Variants in SYT5 observed in about 807,000 individuals in gnomAD.
The protein encoded by SYT5 is synaptotagmin-5.
SYT5 carries 29 observed loss-of-function variants against 36.0 expected under a neutral mutation model. The observed-to-expected ratio is 0.81, with a 90% CI of 0.60 to 1.10. The LOEUF is 1.10. Ranked by LOEUF, SYT5 falls within the 50% of genes least tolerant of loss-of-function variation. The pLI, the probability that SYT5 is intolerant of heterozygous loss-of-function variation, is 0.00. For synonymous variants in SYT5, 231 were observed against 227.6 expected, an observed-to-expected ratio of 1.02 and a Z score of -0.14; for missense variants, 512 against 516.0, an observed-to-expected ratio of 0.99 and a Z score of 0.08.
At position 55,173,362 on chromosome 19, in the gene SYT5, AG is replaced by A; in HGVS notation, c.*121del. 1.0e-5 allele frequency: 7 copies of A among 681,442 alleles called. No homozygotes were observed. Among genetic ancestry groups the A allele is most frequent in the Non-Finnish European group, 1.4e-5 (7 of 495,284 alleles). 42.2% of individuals were successfully genotyped at this position (681,442 alleles called of 1,614,324 possible). A position where few individuals can be genotyped will look rare whatever the true frequency, so the allele number is the denominator to read the frequency against. On this transcript the variant is annotated 3_prime_UTR_variant, in exon 9 of 9. Transcript: ENST00000354308. The surrounding 1 kb of genome is among the most constrained non-coding windows in gnomAD (Gnocchi z 5.4). The stretch of plus-strand genomic sequence containing the variant: ...GAATGGTTCAGATGGTTGGGGTGGA[AG>A]GTGGGGGGAGGGTAACCGTCAGAGG...
rs1366394058 is a variant in SYT5, at chr19:55,172,717, T to C, written c.*767A>G. ...ACTCAACAGAAGACCTCAGGGAATATGGAATGGAAGGAAGAAAAAAAAGAG... is the reference window on the plus strand; with the variant it reads ...ACTCAACAGAAGACCTCAGGGAATACGGAATGGAAGGAAGAAAAAAAAGAG... On this transcript the variant is annotated 3_prime_UTR_variant, in exon 9 of 9. Transcript: ENST00000354308. 3 of 150,608 alleles carry C rather than the reference T, an allele frequency of 2.0e-5. No individual in the cohort carries two copies. In the East Asian group the frequency reaches 5.9e-4, roughly 29 times the overall value. 9.3% of individuals were successfully genotyped at this position (150,608 alleles called of 1,614,324 possible).
Position 55,174,546 on chromosome 19 carries a change from T to C in SYT5, c.931A>G (p.Ser311Gly), listed in dbSNP as rs139660647. The C allele has an allele frequency of 5.0e-6, 8 of 1,614,106 alleles. No homozygotes were observed. The change falls in exon 8 of 9, where the codon AGC becomes GGC. Residue 311 changes from serine to glycine, a missense_variant. Transcript: ENST00000354308. The part of the protein sequence containing the change: ...TLNPYYNEAF[S>G]FEVPCDQVQK... ...ACTTGGTCACAGGGCACCTCGAAGC[T>C]GAAAGCTTCGTTGTAATAGGGGTTC...
intron 7 of SYT5, 101 bp downstream of exon 7, chr19:55,174,781 C>A: frequency 6.4e-7 from 1 of 1,568,070 alleles, no homozygotes; most frequent in Non-Finnish European, 8.7e-7. Flanking sequence ...GCAGCCAGGT[C>A]CTCCCTGTCC....
At chr19:55,177,240 GTT>G (rs2086086685) in intron 3 of SYT5, 1 of 152,184 alleles carries the variant, frequency 6.6e-6, no homozygotes, top group Non-Finnish European at 1.5e-5. Flanking sequence ...ATACTGCTGA[GTT>G]CTCCAGACAC....
chr19:55,173,822 AG>A lies in SYT5; in HGVS notation c.961-139del. On this transcript the variant is annotated intron_variant, in intron 8 of 8. Coordinates refer to ENST00000354308, the MANE Select transcript of SYT5 (RefSeq NM_003180.3). This position sits in a 1 kb window ranked among gnomAD's most constrained non-coding sequence, Gnocchi z 5.4. ...GGGGCCCCGGAGCTCGGGACGGGGG[AG>A]GGGGTGGGAGACGAGAGGGACGGAG... 1 of 822,042 alleles carries A rather than the reference AG, an allele frequency of 1.2e-6. No homozygotes were observed. Among genetic ancestry groups the A allele is most frequent in the East Asian group, 3.4e-5 (1 of 29,416 alleles). 50.9% of individuals were successfully genotyped at this position (822,042 alleles called of 1,614,324 possible).
At position 55,179,238 on chromosome 19, in the gene SYT5, TGA is replaced by T. The variant is rs914000846; in HGVS notation, c.-45-154_-45-153del. 2 of 1,489,158 alleles carry T rather than the reference TGA, an allele frequency of 1.3e-6. No homozygotes were observed. The highest frequency in any genetic ancestry group is 2.8e-5 in the African/African-American group (2 of 71,240). 92.2% of individuals were successfully genotyped at this position (1,489,158 alleles called of 1,614,324 possible). A position where few individuals can be genotyped will look rare whatever the true frequency, so the allele number is the denominator to read the frequency against. On this transcript the variant is annotated intron_variant, in intron 1 of 8. Coordinates refer to ENST00000354308, the MANE Select transcript of SYT5 (RefSeq NM_003180.3). The surrounding 1 kb of genome is among the most constrained non-coding windows in gnomAD (Gnocchi z 4.5). The stretch of plus-strand genomic sequence containing the variant: ...GTTGTAGTATCAGCCTCCCCGCACT[TGA>T]GAGGGGGTGTCCAGGACCTAGTTCC...
At chr19:55,176,245 C>T (rs45578833) in intron 3 of SYT5, 121 bp from the exon 4 acceptor site, 53,195 of 1,371,262 alleles carry the variant, frequency 0.039, 1,530 homozygotes, top group East Asian at 0.11. Context: ...ACAGGCTAAG[C>T]AGATTCAGTA....
rs777132095 is a variant in SYT5, at chr19:55,178,439, G to C, written c.80-71C>G. The C allele has an allele frequency of 1.4e-5, 21 of 1,478,212 alleles. No homozygotes were observed. The African/African-American group carries it at 2.5e-4, about 18-fold the overall frequency. The allele number at this position is 1,478,212 out of a possible 1,614,324, so 91.6% of individuals were successfully genotyped here. ...CAGGCTGATTCAGTCCTGATTACAC[G>C]TGGAAGCTGGAATGCTGGCCTCCTT... On this transcript the variant is annotated intron_variant, in intron 2 of 8. Coordinates refer to ENST00000354308, the MANE Select transcript of SYT5 (RefSeq NM_003180.3).
At chr19:55,178,087 A>T in intron 3 of SYT5, 109 bp downstream of exon 3, 1 of 1,259,368 alleles carries the variant, frequency 7.9e-7, no homozygotes, top group Non-Finnish European at 1.1e-6. Flanking sequence ...ATGAGCCAGT[A>T]AGGTGGGTTC....
Position 55,173,686 on chromosome 19 carries a change from TG to T in SYT5, c.961-3del. 2.2e-6 allele frequency: 3 copies of T among 1,385,600 alleles called. No homozygotes were observed. The highest frequency in any genetic ancestry group is 2.8e-6 in the Non-Finnish European group (3 of 1,063,696). The allele number at this position is 1,385,600 out of a possible 1,614,324, so 85.8% of individuals were successfully genotyped here. ...CACGGTCAGCTCCACCTGCACCTTC[TG>T]GGGTGGGCGCGGGAGGAAGAGGAGA... On this transcript the variant is annotated splice_region_variant and splice_polypyrimidine_tract_variant and intron_variant, in intron 8 of 8. Coordinates refer to ENST00000354308, the MANE Select transcript of SYT5 (RefSeq NM_003180.3). The surrounding 1 kb of genome is among the most constrained non-coding windows in gnomAD (Gnocchi z 5.4).
chr19:55,179,069 CAG>C lies in SYT5; in HGVS notation c.-30_-29del. 1 of 1,591,816 alleles carries C rather than the reference CAG, an allele frequency of 6.3e-7. No individual in the cohort carries two copies. Among genetic ancestry groups the C allele is most frequent in the South Asian group, 1.1e-5 (1 of 87,460 alleles). ...TGGCGGGGTCCTGGAGTCTTTTCTG[CAG>C]AGACACTCAAGCACCCTAGTCCCCC... On this transcript the variant is annotated 5_prime_UTR_variant, in exon 2 of 9. Transcript: ENST00000354308. This position sits in a 1 kb window ranked among gnomAD's most constrained non-coding sequence, Gnocchi z 4.5.
At position 55,173,888 on chromosome 19, in the gene SYT5, G is replaced by T. The variant is rs1296061090; in HGVS notation, c.961-204C>A. 1.1e-5 allele frequency: 5 copies of T among 465,366 alleles called. No individual in the cohort carries two copies. The highest frequency in any genetic ancestry group is 1.4e-5 in the Non-Finnish European group (4 of 280,328). 28.8% of individuals were successfully genotyped at this position (465,366 alleles called of 1,614,324 possible). A position where few individuals can be genotyped will look rare whatever the true frequency, so the allele number is the denominator to read the frequency against. Reference sequence around the variant, plus strand: ...GAGGCTCTGGCGCCTTTCTTCCTGCGCAGCCAGGTTTCTAAGGAAATGAAC... The same window carrying T: ...GAGGCTCTGGCGCCTTTCTTCCTGCTCAGCCAGGTTTCTAAGGAAATGAAC... On this transcript the variant is annotated intron_variant, in intron 8 of 8. Coordinates refer to ENST00000354308, the MANE Select transcript of SYT5 (RefSeq NM_003180.3). This position sits in a 1 kb window ranked among gnomAD's most constrained non-coding sequence, Gnocchi z 5.4.
In SYT5 at chr19:55,173,950, C is replaced by T; in HGVS notation, c.961-266G>A. The T allele has an allele frequency of 7.7e-6, 3 of 390,118 alleles. No homozygotes were observed. The allele number at this position is 390,118 out of a possible 1,614,324, so 24.2% of individuals were successfully genotyped here. A position where few individuals can be genotyped will look rare whatever the true frequency, so the allele number is the denominator to read the frequency against. The stretch of plus-strand genomic sequence containing the variant: ...GGTTGCGGAGCGGGTGTGTTCGGCG[C>T]CTCCTGGGGGAGCAGCCTCCTAAGA... On this transcript the variant is annotated intron_variant, in intron 8 of 8. Transcript: ENST00000354308. This position sits in a 1 kb window ranked among gnomAD's most constrained non-coding sequence, Gnocchi z 5.4.
In SYT5 at chr19:55,175,166, G is replaced by T. The variant is rs777325872; in HGVS notation, c.708+6C>A. ...CGTGGCTCGGGGCGCGACCGCGCAT[G>T]CTCACCTCCTCCCGCGGAGCCGCCT... On this transcript the variant is annotated splice_donor_region_variant and intron_variant, in intron 6 of 8. Coordinates refer to ENST00000354308, the MANE Select transcript of SYT5 (RefSeq NM_003180.3). This position sits in a 1 kb window ranked among gnomAD's most constrained non-coding sequence, Gnocchi z 4.5. 3.1e-6 allele frequency: 5 copies of T among 1,593,746 alleles called. No individual in the cohort carries two copies. In the South Asian group the frequency reaches 4.5e-5, roughly 14 times the overall value.
In SYT5 at chr19:55,173,312, G is replaced by A; in HGVS notation, c.*172C>T. The stretch of plus-strand genomic sequence containing the variant: ...AGTGTGCTGGAAAGTTGTCGTGATT[G>A]GCATCGTTGGGGGTGAGAAGACAGG... On this transcript the variant is annotated 3_prime_UTR_variant, in exon 9 of 9. Transcript: ENST00000354308. The surrounding 1 kb of genome is among the most constrained non-coding windows in gnomAD (Gnocchi z 5.4). The A allele has an allele frequency of 1.0e-5, 5 of 493,698 alleles. No individual in the cohort carries two copies. Among genetic ancestry groups the A allele is most frequent in the Non-Finnish European group, 1.6e-5 (5 of 309,300 alleles). The allele number at this position is 493,698 out of a possible 1,614,324, so 30.6% of individuals were successfully genotyped here. A position where few individuals can be genotyped will look rare whatever the true frequency, so the allele number is the denominator to read the frequency against.
At chr19:55,176,149 G>A (rs764090719) in intron 3 of SYT5, 25 bp from the exon 4 acceptor site, 2 of 1,613,678 alleles carry the variant, frequency 1.2e-6, no homozygotes, top group East Asian at 4.5e-5. Context: ...GGTAAGGGTG[G>A]GTGAAGTCTT....
In SYT5 at chr19:55,175,366, G is replaced by C. The variant is rs749279240; in HGVS notation, c.541-27C>G. 2 of 1,509,188 alleles carry C rather than the reference G, an allele frequency of 1.3e-6. No individual in the cohort carries two copies. Among genetic ancestry groups the C allele is most frequent in the South Asian group, 2.7e-5 (2 of 74,790 alleles). 93.5% of individuals were successfully genotyped at this position (1,509,188 alleles called of 1,614,324 possible). A position where few individuals can be genotyped will look rare whatever the true frequency, so the allele number is the denominator to read the frequency against. On this transcript the variant is annotated intron_variant, in intron 5 of 8. Transcript: ENST00000354308. This position sits in a 1 kb window ranked among gnomAD's most constrained non-coding sequence, Gnocchi z 4.5. ...TGGAGTGCACAGAGAATCCGCAGTA[G>C]AGAGCAGGAAGTCAGAGATAGGGTG...
At chr19:55,177,208 C>T (rs12461195) in intron 3 of SYT5, 10,916 of 152,318 alleles carry the variant, frequency 0.072, 917 homozygotes, top group Admixed American at 0.24. Context: ...TATTTGTAGC[C>T]TTCATCACCT....
At position 55,173,364 on chromosome 19, in the gene SYT5, G is replaced by A. The variant is rs1008728406; in HGVS notation, c.*120C>T. On this transcript the variant is annotated 3_prime_UTR_variant, in exon 9 of 9. Coordinates refer to ENST00000354308, the MANE Select transcript of SYT5 (RefSeq NM_003180.3). The surrounding 1 kb of genome is among the most constrained non-coding windows in gnomAD (Gnocchi z 5.4). ...ATGGTTCAGATGGTTGGGGTGGAAG[G>A]TGGGGGGAGGGTAACCGTCAGAGGA... is the stretch of plus-strand genomic sequence containing the variant. The A allele has an allele frequency of 5.1e-6, 4 of 779,914 alleles. No individual in the cohort carries two copies. Among genetic ancestry groups the A allele is most frequent in the Admixed American group, 4.3e-5 (1 of 23,210 alleles). 48.3% of individuals were successfully genotyped at this position (779,914 alleles called of 1,614,324 possible). A position where few individuals can be genotyped will look rare whatever the true frequency, so the allele number is the denominator to read the frequency against.
Sources: allele counts gnomAD v4.1 joint callset, GRCh38; gene constraint gnomAD v4.1.1; non-coding constraint Gnocchi (gnomAD v3.1); transcripts MANE v1.5; gene names NCBI Gene and HGNC (gene_info 2026-07-23, HGNC 2026-07-21).